Variants in CLPB observed in about 807,000 individuals in gnomAD.
The protein encoded by CLPB is ClpB family mitochondrial disaggregase, also known as mitochondrial disaggregase.
In CLPB, 40 loss-of-function variants were observed where a neutral mutation model predicts 78.4. The observed-to-expected ratio is 0.51, with a 90% CI of 0.40 to 0.66. CLPB has a LOEUF of 0.66. CLPB is among the 30% of genes least tolerant of loss of function. The pLI, the probability that CLPB is intolerant of heterozygous loss-of-function variation, is 0.00. For synonymous variants in CLPB, 333 were observed against 348.0 expected (o/e 0.96, Z 0.48); for missense variants, 780 against 886.9 (o/e 0.88, Z 1.53).
chr11:72,379,155 C>T (rs1004064664), intron 4 of CLPB, among the ~76,000 whole-genome samples: 5 of 152,196 alleles, frequency 3.3e-5, no homozygotes, highest in African/African-American at 1.2e-4. Context: ...CCACATACCA[C>T]GTCAGTCTGG....
chr11:72,298,857 C>G (rs911600124), intron 11 of CLPB, among the ~76,000 whole-genome samples: 17 of 152,206 alleles, frequency 1.1e-4, no homozygotes, highest in African/African-American at 3.4e-4. Context: ...GGTCCCAAGG[C>G]TCTGTGTATA....
chr11:72,405,735 T>A (rs1855689091), intron 2 of CLPB, among the ~76,000 whole-genome samples: 1 of 152,106 alleles, frequency 6.6e-6, no homozygotes, highest in Non-Finnish European at 1.5e-5. Context: ...GAGACCATCC[T>A]GGCTAACACG....
intron 2 of CLPB, among the ~76,000 whole-genome samples, chr11:72,419,294 G>A (rs571238000): frequency 1.3e-5 from 2 of 152,332 alleles, no homozygotes; most frequent in African/African-American, 4.8e-5. Flanking sequence ...ATAAATGATG[G>A]TAGGGAGGCA....
chr11:72,434,270 C>T lies in CLPB; in HGVS notation c.205G>A (p.Ala69Thr), dbSNP rs1856646275. ...CGTCCTCCCTGGCGCCCCCCGGTGG[C>T]TGCCCCACGTCCGGAGAACAAGGCC... ...SPALFSGRGA[A>T]TGGRQGGRFD... Residue 69 changes from alanine to threonine, a missense_variant, in exon 1 of 16, where the codon GCC (alanine) becomes ACC (threonine). Around this residue, in one of 3 missense-constraint regions of CLPB, gnomAD observed 417 missense variants for 414.7 expected, o/e 1.01. Transcript: ENST00000538039. The T allele has an allele frequency of 6.2e-7, 1 of 1,613,142 alleles. No individual in the cohort carries two copies. The highest frequency in any genetic ancestry group is 1.1e-5 in the South Asian group (1 of 91,044).
intron 4 of CLPB, among the ~76,000 whole-genome samples, chr11:72,374,083 G>A (rs532935035): frequency 6.7e-6 from 1 of 150,256 alleles, no homozygotes; most frequent in African/African-American, 2.5e-5. Flanking sequence ...GACCCATGGC[G>A]AGAATCCCCT....
rs1225769606 is a variant in CLPB, at chr11:72,295,524, T to C, written c.1454A>G (p.Glu485Gly). The C allele has an allele frequency of 6.2e-7, 1 of 1,613,990 alleles. No individual in the cohort carries two copies. The highest frequency in any genetic ancestry group is 1.3e-5 in the African/African-American group (1 of 74,890). Reference sequence around the variant, plus strand: ...TTCGGCAATACGGTTACGGCTCATCTCCAAAGCTTCCTGCCTCAGCTGCAG... The same window carrying C: ...TTCGGCAATACGGTTACGGCTCATCCCCAAAGCTTCCTGCCTCAGCTGCAG... ...HALQLRQEAL[E>G]MSRNRIAENL... Residue 485 changes from glutamate to glycine, a missense_variant, in exon 12 of 16, where the codon GAG (glutamate) becomes GGG (glycine). Glu to Gly is a moderately conservative substitution (Grantham distance 98, BLOSUM62 -2). Transcript: ENST00000538039.
intron 7 of CLPB, among the ~76,000 whole-genome samples, chr11:72,309,700 G>C (rs1186717714): frequency 2.0e-5 from 3 of 152,064 alleles, no homozygotes; most frequent in Non-Finnish European, 4.4e-5. Flanking sequence ...GCTCAAAAAA[G>C]TATGAATTTT....
At chr11:72,399,661 G>A (rs74694395) in intron 3 of CLPB, among the ~76,000 whole-genome samples, 3,995 of 152,246 alleles carry the variant, frequency 0.026, 155 homozygotes, top group African/African-American at 0.08. Flanking sequence ...AGGGTGAAAT[G>A]ATTGGGCTAC....
chr11:72,306,905 C>T (rs1199102951), intron 9 of CLPB, among the ~76,000 whole-genome samples: 5 of 152,172 alleles, frequency 3.3e-5, no homozygotes, highest in African/African-American at 1.2e-4. Context: ...GGCACAGATG[C>T]TTGAAAATGT....
intron 5 of CLPB, chr11:72,354,124 A>G: frequency 2.9e-6 from 1 of 344,438 alleles, no homozygotes; most frequent in Non-Finnish European, 5.1e-6. Flanking sequence ...TGGATCACAT[A>G]GCTATTAAAT....
intron 6 of CLPB, among the ~76,000 whole-genome samples, chr11:72,322,364 T>C (rs1478058465): frequency 6.6e-6 from 1 of 151,884 alleles, no homozygotes; most frequent in African/African-American, 2.4e-5. Flanking sequence ...GGGCAAAGAG[T>C]GGCTAAAGTG....
intron 7 of CLPB, among the ~76,000 whole-genome samples, chr11:72,309,817 G>A (rs1034037168): frequency 3.9e-5 from 6 of 152,236 alleles, no homozygotes; most frequent in Admixed American, 3.9e-4. Flanking sequence ...TCCCCAGGGT[G>A]TCAGGGGAAA....
intron 2 of CLPB, among the ~76,000 whole-genome samples, chr11:72,425,572 C>A (rs141935600): frequency 6.6e-6 from 1 of 152,314 alleles, no homozygotes; most frequent in African/African-American, 2.4e-5. Flanking sequence ...TTTGTTGCCA[C>A]AAATTCAGCT....
chr11:72,290,149 A>C lies in CLPB; in HGVS notation c.*3218T>G, dbSNP rs1949434309. ...TAGAGAATGACTGATGCCAGGGCTG[A>C]GATAGGGAAAATGTGAGGAAGCCTG... On this transcript the variant is annotated 3_prime_UTR_variant, in exon 16 of 16. Transcript: ENST00000538039. 6.6e-6 allele frequency: 1 copy of C among 152,178 alleles called. No homozygotes were observed. Among genetic ancestry groups the C allele is most frequent in the African/African-American group, 2.4e-5 (1 of 41,420 alleles). 9.4% of individuals were successfully genotyped at this position (152,178 alleles called of 1,614,324 possible).
chr11:72,341,878 A>T (rs551757335), intron 5 of CLPB, among the ~76,000 whole-genome samples: 1 of 152,362 alleles, frequency 6.6e-6, no homozygotes, highest in African/African-American at 2.4e-5. Context: ...CAGGAAAGTG[A>T]CATGGTTTTG....
chr11:72,431,709 T>C (rs1481302859), intron 1 of CLPB, among the ~76,000 whole-genome samples: 1 of 152,048 alleles, frequency 6.6e-6, no homozygotes, highest in Non-Finnish European at 1.5e-5. Flanking sequence ...CCCTTCACTC[T>C]GCAGAAAAAA....
intron 2 of CLPB, among the ~76,000 whole-genome samples, chr11:72,427,746 C>T (rs1165726733): frequency 6.6e-6 from 1 of 152,160 alleles, no homozygotes; most frequent in Non-Finnish European, 1.5e-5. Context: ...TAAGTATACT[C>T]TATGATGTTC....
rs1754291331 is a variant in CLPB at position 72,288,479 on chromosome 11, ACT to A, written c.*4886_*4887del. Reference sequence around the variant, plus strand: ...ACTCCAGCCTGGGCGACAGAGCAAGACTCTGTCTCAAAAAACAAAACAAAACA... The same window carrying A: ...ACTCCAGCCTGGGCGACAGAGCAAGACTGTCTCAAAAAACAAAACAAAACA... On this transcript the variant is annotated 3_prime_UTR_variant, in exon 16 of 16. Transcript: ENST00000538039. 6.6e-6 allele frequency: 1 copy of A among 152,366 alleles called. No individual in the cohort carries two copies. The highest frequency in any genetic ancestry group is 1.5e-5 in the Non-Finnish European group (1 of 68,212). 9.4% of individuals were successfully genotyped at this position (152,366 alleles called of 1,614,324 possible). A position where few individuals can be genotyped will look rare whatever the true frequency, so the allele number is the denominator to read the frequency against.
At chr11:72,354,123 T>C (rs1590835533) in intron 5 of CLPB, 4 of 343,560 alleles carry the variant, frequency 1.2e-5, no homozygotes, top group South Asian at 1.5e-4. Flanking sequence ...CTGGATCACA[T>C]AGCTATTAAA....
Sources: allele counts gnomAD v4.1 joint callset (sites outside exome capture counted in the v4.1 genomes callset), GRCh38; gene constraint gnomAD v4.1.1; regional missense constraint gnomAD v4.1.1; transcripts MANE v1.5; gene names NCBI Gene and HGNC (gene_info 2026-07-23, HGNC 2026-07-21).